Variants in ERC2 observed in about 807,000 individuals in gnomAD.
ERC2 encodes ERC protein 2.
In ERC2, 42 loss-of-function variants were observed where a neutral mutation model predicts 114.8. The ratio of observed to expected loss-of-function variants is 0.37; its 90% CI spans 0.29 to 0.47. The LOEUF (loss-of-function observed/expected upper bound fraction) is 0.47. ERC2 is among the 20% of genes least tolerant of loss of function. ERC2 has a pLI of 0.99. For missense variants in ERC2, 939 were observed against 1,150.7 expected, an observed-to-expected ratio of 0.82 and a Z score of 2.66; for synonymous variants, 454 against 425.5, an observed-to-expected ratio of 1.07 and a Z score of -0.82.
At chr3:55,973,446 A>G (rs556307340) in intron 12 of ERC2, among the ~76,000 whole-genome samples, 4 of 152,352 alleles carry the variant, frequency 2.6e-5, no homozygotes, top group Non-Finnish European at 4.4e-5. Flanking sequence ...ACAGGTAGAC[A>G]TCTTTCTAAA....
At chr3:56,019,930 A>C (rs1321145764) in intron 7 of ERC2, among the ~76,000 whole-genome samples, 3 of 152,238 alleles carry the variant, frequency 2.0e-5, no homozygotes, top group African/African-American at 7.2e-5. Context: ...AGATAAGTCC[A>C]TTCAAAATAT....
At chr3:55,884,830 C>T (rs2063289380) in intron 14 of ERC2, among the ~76,000 whole-genome samples, 2 of 152,038 alleles carry the variant, frequency 1.3e-5, no homozygotes, top group African/African-American at 2.4e-5. Context: ...CTTTCAAAAG[C>T]CCCCTTTAGG....
chr3:55,813,819 T>C (rs1172678303), intron 14 of ERC2, among the ~76,000 whole-genome samples: 1 of 152,188 alleles, frequency 6.6e-6, no homozygotes, highest in Non-Finnish European at 1.5e-5. Flanking sequence ...CCTTCAAAAT[T>C]ATTTCTCCTA....
At chr3:55,639,974 C>T (rs538938897) in intron 17 of ERC2, among the ~76,000 whole-genome samples, 111 of 151,014 alleles carry the variant, frequency 7.4e-4, no homozygotes, top group African/African-American at 2.6e-3. Flanking sequence ...GAGGCAGATC[C>T]ACACAGGGCA....
chr3:55,629,901 G>A lies in ERC2; in HGVS notation c.*39+53893C>T, dbSNP rs116356330. ...GGAGCCAGCCTTCTAACCATAGAGC[G>A]GGTGGGCTCCAAGCATATGAGACAG... On this transcript the variant is annotated intron_variant, in intron 17 of 17. Transcript: ENST00000288221. Among the ~76,000 whole-genome samples, 722 of 152,344 alleles carry A rather than the reference G, an allele frequency of 4.7e-3. 4 individuals are homozygous for A. Among genetic ancestry groups the A allele is most frequent in the African/African-American group, 0.016 (677 of 41,582 alleles).
Position 55,992,177 on chromosome 3 carries a change from G to A in ERC2, c.2135C>T (p.Ala712Val), listed in dbSNP as rs755363012. 2.2e-5 allele frequency: 36 copies of A among 1,613,854 alleles called. No homozygotes were observed. Among genetic ancestry groups the A allele is most frequent in the Non-Finnish European group, 3.0e-5 (35 of 1,179,812 alleles). ...ADQIKQLDKE[A>V]SYYRDECGKA... ...GCCACACTCGTCGCGGTAGTAAGACGCCTCTTTATCGAGCTGTTTTATTTG... is the reference window on the plus strand; with the variant it reads ...GCCACACTCGTCGCGGTAGTAAGACACCTCTTTATCGAGCTGTTTTATTTG... The change falls in exon 11 of 18, where the codon GCG becomes GTG. Residue 712 changes from alanine (A) to valine (V), a missense_variant. Physicochemically the swap from Ala to Val is moderately conservative, Grantham distance 64. Coordinates refer to ENST00000288221, the MANE Select transcript of ERC2 (RefSeq NM_015576.3).
chr3:56,225,869 G>A (rs565074109), intron 3 of ERC2, among the ~76,000 whole-genome samples: 1 of 152,070 alleles, frequency 6.6e-6, no homozygotes, highest in South Asian at 2.1e-4. Flanking sequence ...GACCAGGCAG[G>A]CAAACACTCA....
chr3:55,861,152 CA>C (rs2062011088), intron 14 of ERC2, among the ~76,000 whole-genome samples: 2 of 152,212 alleles, frequency 1.3e-5, no homozygotes. Context: ...CTAACTAGAT[CA>C]AAAGTTGCTT....
rs139764186 is a variant in ERC2 at position 56,339,902 on chromosome 3, G to A, written c.658-43467C>T. 9.0e-3 allele frequency among the ~76,000 whole-genome samples: 1,368 copies of A among 152,174 alleles called. 20 individuals carry two copies. Among genetic ancestry groups the A allele is most frequent in the African/African-American group, 0.029 (1,215 of 41,508 alleles). ...CCCAGGCCAAGCCACCACAGCCTCC[G>A]GGCTCATCTGCACGGACAAAACGAG... On this transcript the variant is annotated intron_variant, in intron 2 of 17. Coordinates refer to ENST00000288221, the MANE Select transcript of ERC2 (RefSeq NM_015576.3).
intron 16 of ERC2, among the ~76,000 whole-genome samples, chr3:55,687,587 G>C (rs907316670): frequency 1.3e-5 from 2 of 152,166 alleles, no homozygotes; most frequent in Non-Finnish European, 2.9e-5. Context: ...GGTCCACCTG[G>C]CTACCTTGCT....
At chr3:55,746,168 C>T (rs1239447189) in intron 14 of ERC2, among the ~76,000 whole-genome samples, 3 of 152,048 alleles carry the variant, frequency 2.0e-5, no homozygotes, top group African/African-American at 4.8e-5. Flanking sequence ...AGAATATGTG[C>T]AGAAGGGGGC....
chr3:56,032,316 A>G (rs867173165), intron 7 of ERC2, among the ~76,000 whole-genome samples: 10 of 152,368 alleles, frequency 6.6e-5, no homozygotes, highest in Non-Finnish European at 2.9e-5. Context: ...AGGCAAAAGA[A>G]AGAATCCACA....
At chr3:56,067,944 G>A (rs2076556482) in intron 7 of ERC2, among the ~76,000 whole-genome samples, 1 of 152,286 alleles carries the variant, frequency 6.6e-6, no homozygotes. Flanking sequence ...CAGTTTGCCA[G>A]TATATTATTA....
intron 14 of ERC2, among the ~76,000 whole-genome samples, chr3:55,817,590 CA>C (rs1434575554): frequency 2.6e-5 from 4 of 152,234 alleles, no homozygotes; most frequent in Admixed American, 2.0e-4. Flanking sequence ...CAACTACTCC[CA>C]AACCTCGGTT....
At chr3:55,924,237 C>T (rs1012319225) in intron 13 of ERC2, among the ~76,000 whole-genome samples, 1 of 152,086 alleles carries the variant, frequency 6.6e-6, no homozygotes, top group Admixed American at 6.5e-5. Context: ...CAGGGGTTGG[C>T]AAACTTTTTC....
intron 14 of ERC2, among the ~76,000 whole-genome samples, chr3:55,738,644 A>G (rs995219806): frequency 1.1e-4 from 16 of 152,146 alleles, no homozygotes; most frequent in African/African-American, 3.6e-4. Context: ...TAGTCTCCGA[A>G]CCAGACTCCC....
chr3:56,466,179 A>G (rs903589166), intron 1 of ERC2, among the ~76,000 whole-genome samples: 1 of 152,268 alleles, frequency 6.6e-6, no homozygotes, highest in Non-Finnish European at 1.5e-5. Flanking sequence ...TGATGATAGT[A>G]ATAGTAATAA....
chr3:56,009,296 C>A lies in ERC2; in HGVS notation c.1920+1153G>T, dbSNP rs13090252. ...CATCACAGATCCTCCAACTCAGAAT[C>A]AGCAGTGGAAGCTAGGAAGAGAACT... On this transcript the variant is annotated intron_variant, in intron 9 of 17. Coordinates refer to ENST00000288221, the MANE Select transcript of ERC2 (RefSeq NM_015576.3). Among the ~76,000 whole-genome samples, 5 of 152,306 alleles carry A rather than the reference C, an allele frequency of 3.3e-5. 1 individual carries two copies. The South Asian group carries it at 6.2e-4, about 19-fold the overall frequency.
chr3:56,330,105 C>T (rs1393318476), intron 2 of ERC2, among the ~76,000 whole-genome samples: 2 of 152,118 alleles, frequency 1.3e-5, no homozygotes, highest in Admixed American at 1.3e-4. Flanking sequence ...AAGCTCTCAG[C>T]TCACTGCAGC....
Sources: allele counts gnomAD v4.1 joint callset (sites outside exome capture counted in the v4.1 genomes callset), GRCh38; gene constraint gnomAD v4.1.1; transcripts MANE v1.5; gene names NCBI Gene and HGNC (gene_info 2026-07-23, HGNC 2026-07-21).